The following ABCA3 variants were observed in gnomAD, a reference collection of about 807,000 sequenced individuals.
The protein encoded by ABCA3 is phospholipid-transporting ATPase ABCA3.
In ABCA3, 88 loss-of-function variants were observed where a neutral mutation model predicts 172.8. That is an observed-to-expected ratio of 0.51 (90% confidence interval 0.43 to 0.61). ABCA3 has a LOEUF of 0.61. ABCA3 is among the 20% of genes least tolerant of loss of function. The pLI is 0.00. For synonymous variants in ABCA3, 1,066 were observed against 983.8 expected (o/e 1.08, Z -1.56); for missense variants, 2,164 against 2,301.0 (o/e 0.94, Z 1.22).
chr16:2,308,425 C>T (rs756182812), intron 11 of ABCA3, 25 bp downstream of exon 11: 22 of 1,613,960 alleles, frequency 1.4e-5, no homozygotes, highest in South Asian at 4.4e-5. Flanking sequence ...TCGGAAAGAA[C>T]AGGCTGGACA....
chr16:2,320,730 G>T (rs975507775), intron 7 of ABCA3, among the ~76,000 whole-genome samples: 3 of 152,034 alleles, frequency 2.0e-5, no homozygotes, highest in African/African-American at 7.2e-5. Context: ...ATATTAGTGG[G>T]TCTAAGGCAT....
rs2093651587 is a variant in ABCA3 at position 2,279,285 on chromosome 16, C to A, written c.4360-155G>T. 6.6e-6 allele frequency among the ~76,000 whole-genome samples: 1 copy of A among 152,230 alleles called. No homozygotes were observed. Among genetic ancestry groups the A allele is most frequent in the African/African-American group, 2.4e-5 (1 of 41,460 alleles). ...CGGGGGCGCTGGAGCTATGCACAGG[C>A]CGTGGTGGCTGCCCACAGTGGAAGC... is the stretch of plus-strand genomic sequence containing the variant. On this transcript the variant is annotated intron_variant, in intron 28 of 32. Coordinates refer to ENST00000301732, the MANE Select transcript of ABCA3 (RefSeq NM_001089.3). The surrounding 1 kb of genome is among the most constrained non-coding windows in gnomAD (Gnocchi z 4.4).
Position 2,279,269 on chromosome 16 carries a change from T to A in ABCA3, c.4360-139A>T. 1.0e-6 allele frequency: 1 copy of A among 995,728 alleles called. No homozygotes were observed. Among genetic ancestry groups the A allele is most frequent in the Non-Finnish European group, 1.5e-6 (1 of 667,878 alleles). 61.7% of individuals were successfully genotyped at this position (995,728 alleles called of 1,614,324 possible). ...TGCCAGTGTGTGTACACGGGGGCGC[T>A]GGAGCTATGCACAGGCCGTGGTGGC... is the stretch of plus-strand genomic sequence containing the variant. On this transcript the variant is annotated intron_variant, in intron 28 of 32. Transcript: ENST00000301732. The surrounding 1 kb of genome is among the most constrained non-coding windows in gnomAD (Gnocchi z 4.4).
intron 2 of ABCA3, among the ~76,000 whole-genome samples, chr16:2,329,152 G>A (rs572796656): frequency 1.3e-5 from 2 of 152,194 alleles, no homozygotes; most frequent in South Asian, 4.2e-4. Flanking sequence ...GTTAAAAAGT[G>A]AAGAAATTAA....
Position 2,288,299 on chromosome 16 carries a change from T to C in ABCA3, c.2731A>G (p.Met911Val), listed in dbSNP as rs1185186409. ...LALHCQQFWA[M>V]FLKKAAYSWR... is the part of the protein sequence containing the mutation. ...CTGTATGCGGCCTTCTTCAGGAACA[T>C]GGCCCAGAATTGCTGGCAGTGCAGG... The change falls in exon 21 of 33, where the codon ATG (methionine) becomes GTG (valine). Residue 911 changes from methionine (M) to valine (V), a missense_variant. By Grantham distance (21) the Met-to-Val change is conservative. This residue lies in a region of ABCA3 where 1,343 missense variants were observed against 1,369.6 expected (regional missense o/e 0.98). Coordinates refer to ENST00000301732, the MANE Select transcript of ABCA3 (RefSeq NM_001089.3). 1.3e-6 allele frequency: 2 copies of C among 1,571,734 alleles called. No individual in the cohort carries two copies. The highest frequency in any genetic ancestry group is 8.6e-7 in the Non-Finnish European group (1 of 1,161,132).
At position 2,276,613 on chromosome 16, in the gene ABCA3, TG is replaced by T. The variant is rs2093646789; in HGVS notation, c.*60del. ...ATGAGATAAACTTGGAGAGAGAGGA[TG>T]TAAGATGGGCCCTGCTTGCCCGTCC... On this transcript the variant is annotated 3_prime_UTR_variant, in exon 33 of 33. Transcript: ENST00000301732. The T allele has an allele frequency of 1.3e-5, 21 of 1,599,082 alleles. 1 individual carries two copies. In the South Asian group the frequency reaches 2.3e-4, roughly 18 times the overall value.
At chr16:2,312,258 AAACACCCG>A (rs2141723531) in intron 10 of ABCA3, among the ~76,000 whole-genome samples, 1 of 152,310 alleles carries the variant, frequency 6.6e-6, no homozygotes, top group East Asian at 1.9e-4. Context: ...AATGCCTACC[AAACACCCG>A]AGGGGGAATA....
intron 1 of ABCA3, among the ~76,000 whole-genome samples, chr16:2,331,957 G>C (rs572657861): frequency 6.6e-6 from 1 of 152,188 alleles, no homozygotes; most frequent in African/African-American, 2.4e-5. Flanking sequence ...TCTATAAAAG[G>C]TTTGCTTACT....
chr16:2,308,471 T>C lies in ABCA3; in HGVS notation c.1264A>G (p.Ile422Val), dbSNP rs996901188. The stretch of plus-strand genomic sequence containing the variant: ...TCACCTTTCGCCTCAAATTTCCCAA[T>C]GAGCTGGGCTCCCATTGCCATGGCG... Reference protein sequence around the residue: ...NVAMAMGAQLIGKFEAKGMGI... With the variant: ...NVAMAMGAQLVGKFEAKGMGI... Residue 422 changes from isoleucine to valine, a missense_variant, in exon 11 of 33, where the codon ATT (isoleucine) becomes GTT (valine). By Grantham distance (29) the Ile-to-Val change is conservative (BLOSUM62 3). Around this residue, in one of 3 missense-constraint regions of ABCA3, gnomAD observed 1,343 missense variants for 1,369.6 expected, o/e 0.98. Coordinates refer to ENST00000301732, the MANE Select transcript of ABCA3 (RefSeq NM_001089.3). The C allele has an allele frequency of 3.7e-6, 6 of 1,614,140 alleles. No homozygotes were observed. Among genetic ancestry groups the C allele is most frequent in the Non-Finnish European group, 5.1e-6 (6 of 1,180,012 alleles).
intron 7 of ABCA3, among the ~76,000 whole-genome samples, chr16:2,321,753 G>A (rs541339350): frequency 3.9e-5 from 6 of 152,250 alleles, no homozygotes; most frequent in Middle Eastern, 3.4e-3. Context: ...CCAAGATCTG[G>A]CTTCCATGAA....
chr16:2,326,315 C>T lies in ABCA3; in HGVS notation c.55-41G>A, dbSNP rs769185578. 7 of 1,611,420 alleles carry T rather than the reference C, an allele frequency of 4.3e-6. No homozygotes were observed. The East Asian group carries it at 8.9e-5, about 21-fold the overall frequency. On this transcript the variant is annotated intron_variant, in intron 4 of 32. Coordinates refer to ENST00000301732, the MANE Select transcript of ABCA3 (RefSeq NM_001089.3). ...TAGGGCACGGTGATGGGCTGCAAGGCAGAAGCAGGGGCATGCAGACAGCCC... is the reference window on the plus strand; with the variant it reads ...TAGGGCACGGTGATGGGCTGCAAGGTAGAAGCAGGGGCATGCAGACAGCCC...
chr16:2,284,482 C>T lies in ABCA3; in HGVS notation c.3704-45G>A, dbSNP rs1360489188. Reference sequence around the variant, plus strand: ...TCAGTCTGCGCTGGAGGGCACACCACACCCACCTCCAGGACGGGCCTGGTC... The same window carrying T: ...TCAGTCTGCGCTGGAGGGCACACCATACCCACCTCCAGGACGGGCCTGGTC... On this transcript the variant is annotated intron_variant, in intron 24 of 32. Coordinates refer to ENST00000301732, the MANE Select transcript of ABCA3 (RefSeq NM_001089.3). This position sits in a 1 kb window ranked among gnomAD's most constrained non-coding sequence, Gnocchi z 5.9. 1.2e-6 allele frequency: 2 copies of T among 1,609,942 alleles called. No individual in the cohort carries two copies. Among genetic ancestry groups the T allele is most frequent in the African/African-American group, 1.3e-5 (1 of 74,836 alleles).
At position 2,278,826 on chromosome 16, in the gene ABCA3, C is replaced by T. The variant is rs2093650769; in HGVS notation, c.4547+117G>A. ...TCACACCACCACATCCCAGCTCCAT[C>T]CTGGAGCCACAAGCAGGAGCTCTGG... On this transcript the variant is annotated intron_variant, in intron 29 of 32. Coordinates refer to ENST00000301732, the MANE Select transcript of ABCA3 (RefSeq NM_001089.3). This position sits in a 1 kb window ranked among gnomAD's most constrained non-coding sequence, Gnocchi z 4.4. 6.8e-7 allele frequency: 1 copy of T among 1,474,566 alleles called. No individual in the cohort carries two copies. The highest frequency in any genetic ancestry group is 1.4e-5 in the African/African-American group (1 of 72,510). 91.3% of individuals were successfully genotyped at this position (1,474,566 alleles called of 1,614,324 possible). A position where few individuals can be genotyped will look rare whatever the true frequency, so the allele number is the denominator to read the frequency against.
Position 2,278,586 on chromosome 16 carries a change from G to A in ABCA3, c.4548-128C>T. 1 of 1,271,754 alleles carries A rather than the reference G, an allele frequency of 7.9e-7. No homozygotes were observed. Among genetic ancestry groups the A allele is most frequent in the Admixed American group, 2.0e-5 (1 of 50,772 alleles). The allele number at this position is 1,271,754 out of a possible 1,614,324, so 78.8% of individuals were successfully genotyped here. A position where few individuals can be genotyped will look rare whatever the true frequency, so the allele number is the denominator to read the frequency against. On this transcript the variant is annotated intron_variant, in intron 29 of 32. Coordinates refer to ENST00000301732, the MANE Select transcript of ABCA3 (RefSeq NM_001089.3). The surrounding 1 kb of genome is among the most constrained non-coding windows in gnomAD (Gnocchi z 4.4). ...AATTGCAGAACAGCCCTAGTGAAGA[G>A]GAAGGAGCTGTGTGTGCACCTGGAA...
chr16:2,340,553 C>A lies in ABCA3; in HGVS notation c.-539+20G>T. 1 of 149,002 alleles carries A rather than the reference C, an allele frequency of 6.7e-6. No homozygotes were observed. Among genetic ancestry groups the A allele is most frequent in the South Asian group, 2.0e-4 (1 of 4,880 alleles). The allele number at this position is 149,002 out of a possible 1,614,324, so 9.2% of individuals were successfully genotyped here. ...GCCCCGGGAACGAGCGCGCGAGCGG[C>A]GGGTCCCGGCGGCACTCACCGAGCC... On this transcript the variant is annotated intron_variant, in intron 1 of 32. Coordinates refer to ENST00000301732, the MANE Select transcript of ABCA3 (RefSeq NM_001089.3).
At chr16:2,298,202 C>A (rs1390229372) in intron 15 of ABCA3, among the ~76,000 whole-genome samples, 184 bp downstream of exon 15, 1 of 147,202 alleles carries the variant, frequency 6.8e-6, no homozygotes, top group African/African-American at 2.4e-5. Context: ...GGGCTCCTGG[C>A]GGGAGGCCGA....
At position 2,278,401 on chromosome 16, in the gene ABCA3, G is replaced by A. The variant is rs1326378302; in HGVS notation, c.4605C>T (p.Val1535=). 1 of 1,612,698 alleles carries A rather than the reference G, an allele frequency of 6.2e-7. No individual in the cohort carries two copies. The highest frequency in any genetic ancestry group is 1.3e-5 in the African/African-American group (1 of 74,902). ...TGIALIGEPA[V]IFLDEPSTGM... ...CAGTGGACGGCTCGTCCAGGAAGAT[G>A]ACAGCAGGCTCTCCGATCAGGGCGA... Residue 1535 remains valine (V), a synonymous_variant, in exon 30 of 33, where the codon GTC becomes GTT. Transcript: ENST00000301732. This position sits in a 1 kb window ranked among gnomAD's most constrained non-coding sequence, Gnocchi z 4.4.
Position 2,299,217 on chromosome 16 carries a change from G to A in ABCA3, c.1741+186C>T, listed in dbSNP as rs1263074137. ...CCTGGGGGTCCCCCGGCATGTCCCG[G>A]ACAGAGGCGGTGAGGAGGGCAGTCC... On this transcript the variant is annotated intron_variant, in intron 14 of 32. Coordinates refer to ENST00000301732, the MANE Select transcript of ABCA3 (RefSeq NM_001089.3). Among the ~76,000 whole-genome samples, 2 of 152,076 alleles carry A rather than the reference G, an allele frequency of 1.3e-5. 1 individual carries two copies. The highest frequency in any genetic ancestry group is 2.9e-5 in the Non-Finnish European group (2 of 67,968).
chr16:2,295,710 T>TC lies in ABCA3; in HGVS notation c.2293dup (p.Glu765GlyfsTer43). The TC allele has an allele frequency of 6.2e-7, 1 of 1,613,984 alleles. No homozygotes were observed. The highest frequency in any genetic ancestry group is 8.5e-7 in the Non-Finnish European group (1 of 1,180,038). On this transcript the variant is annotated frameshift_variant, in exon 18 of 33. Coordinates refer to ENST00000301732, the MANE Select transcript of ABCA3 (RefSeq NM_001089.3). LOFTEE classifies it high-confidence loss of function. The stretch of plus-strand genomic sequence containing the variant: ...GATGTCTTCCGGGTTGCAGTGCGGC[T>TC]CCTTCACCAGCGTCATGTGATAGCC...
Sources: gnomAD v4.1 joint callset for allele counts (sites outside exome capture counted in the v4.1 genomes callset) on GRCh38, gnomAD v4.1.1 for gene constraint, gnomAD v4.1.1 regional missense constraint, Gnocchi (gnomAD v3.1) non-coding constraint, MANE v1.5 for transcripts, NCBI Gene and HGNC (gene_info 2026-07-23, HGNC 2026-07-21) for gene names.